The following HEXB variants were observed in gnomAD, a reference collection of about 807,000 sequenced individuals.
HEXB encodes the protein hexosaminidase subunit beta.
HEXB carries 51 observed loss-of-function variants against 71.2 expected under a neutral mutation model. That is an observed-to-expected ratio of 0.72 (90% CI 0.57 to 0.90). The LOEUF (loss-of-function observed/expected upper bound fraction) is 0.90, where lower values mean the gene tolerates loss of function less well. Among genes scored for constraint, HEXB ranks in the 40% least tolerant of loss-of-function variants. HEXB has a pLI of 0.00. For synonymous variants in HEXB, 266 were observed against 249.3 expected (o/e 1.07, Z -0.63); for missense variants, 617 against 677.0 (o/e 0.91, Z 0.98).
chr5:74,667,346 G>A (rs192242919), intron 1 of HEXB, among the ~76,000 whole-genome samples: 36 of 152,138 alleles, frequency 2.4e-4, no homozygotes, highest in Admixed American at 1.3e-3. Context: ...TTGAACCCGG[G>A]AGGCAGAGGT....
chr5:74,692,334 CAAAAA>C (rs916578254), intron 2 of HEXB, among the ~76,000 whole-genome samples: 1 of 52,428 alleles, frequency 1.9e-5, no homozygotes, highest in African/African-American at 5.8e-5. Context: ...CCTGTCTCTA[CAAAAA>C]AAAAAAAAAA....
chr5:74,662,155 G>A (rs1195472044), intron 1 of HEXB, among the ~76,000 whole-genome samples: 1 of 151,152 alleles, frequency 6.6e-6, no homozygotes, highest in Admixed American at 6.6e-5. Flanking sequence ...AAACCACCAT[G>A]ATTTTAAGCT....
intron 1 of HEXB, among the ~76,000 whole-genome samples, chr5:74,655,006 C>CA (rs1561202392): frequency 6.6e-6 from 1 of 152,060 alleles, no homozygotes; most frequent in African/African-American, 2.4e-5. Context: ...GACCTGCGGA[C>CA]GGATCTGGAT....
intron 5 of HEXB, among the ~76,000 whole-genome samples, chr5:74,703,712 C>A (rs1014221573): frequency 6.6e-6 from 1 of 152,194 alleles, no homozygotes; most frequent in African/African-American, 2.4e-5. Flanking sequence ...CACCCCCAGG[C>A]TGGAGTGCAG....
At chr5:74,653,406 G>T (rs1232477282) in intron 1 of HEXB, among the ~76,000 whole-genome samples, 1 of 152,180 alleles carries the variant, frequency 6.6e-6, no homozygotes, top group Non-Finnish European at 1.5e-5. Context: ...CCAAGATGAA[G>T]TAGCAGGGAA....
intron 1 of HEXB, among the ~76,000 whole-genome samples, chr5:74,645,466 T>G (rs1747986431): frequency 6.6e-6 from 1 of 152,242 alleles, no homozygotes. Context: ...GAAAATGTTG[T>G]GTGAAAGTCT....
At chr5:74,716,040 AAT>A (rs1554036674) in intron 8 of HEXB, among the ~76,000 whole-genome samples, 11,629 of 129,014 alleles carry the variant, frequency 0.09, 488 homozygotes, top group African/African-American at 0.15. Context: ...AAAAAAAAAA[AAT>A]GGAATAAAAA....
At chr5:74,697,727 C>A (rs1481752387) in intron 5 of HEXB, among the ~76,000 whole-genome samples, 529 of 110,316 alleles carry the variant, frequency 4.8e-3, no homozygotes, top group South Asian at 6.7e-3. Context: ...GACTCTGTCT[C>A]AAAAAAAAAA....
chr5:74,710,392 C>T (rs977784023), intron 6 of HEXB, among the ~76,000 whole-genome samples: 1 of 152,214 alleles, frequency 6.6e-6, no homozygotes, highest in Non-Finnish European at 1.5e-5. Flanking sequence ...CAGGGATGCC[C>T]CCTCTCACCA....
At chr5:74,672,050 A>G (rs1381043108) in intron 1 of HEXB, among the ~76,000 whole-genome samples, 3 of 152,198 alleles carry the variant, frequency 2.0e-5, no homozygotes, top group Non-Finnish European at 4.4e-5. Context: ...TTGTTCCTGC[A>G]AAGCTTGCAG....
upstream of HEXB, chr5:74,685,101 G>A (rs1748824070): frequency 1.3e-6 from 1 of 761,366 alleles, no homozygotes; most frequent in Non-Finnish European, 2.0e-6. Context: ...GGCTGGGCGA[G>A]GACGCTCCCG....
At chr5:74,707,801 A>G (rs947033684) in intron 6 of HEXB, among the ~76,000 whole-genome samples, 2 of 104,020 alleles carry the variant, frequency 1.9e-5, no homozygotes, top group South Asian at 7.5e-4. Context: ...AAAAGACCAA[A>G]TCTACATCTG....
chr5:74,644,267 A>G (rs1580355472), intron 1 of HEXB, among the ~76,000 whole-genome samples: 3 of 152,224 alleles, frequency 2.0e-5, no homozygotes, highest in Non-Finnish European at 2.9e-5. Context: ...CATTTAGGGC[A>G]AGAAGGCTTT....
chr5:74,664,073 T>A (rs547616227), intron 1 of HEXB, among the ~76,000 whole-genome samples: 66 of 151,972 alleles, frequency 4.3e-4, no homozygotes, highest in South Asian at 1.5e-3. Flanking sequence ...CTGACTAACA[T>A]GGTGAAACCC....
intron 1 of HEXB, among the ~76,000 whole-genome samples, chr5:74,677,490 CTTTTTTTTTTT>C (rs566302720): frequency 5.2e-5 from 4 of 77,276 alleles, no homozygotes; most frequent in African/African-American, 1.3e-4. Flanking sequence ...TCTTCTTCTT[CTTTTTTTTTTT>C]TTTTTTTTTT....
At chr5:74,668,230 T>G (rs1400976631) in intron 1 of HEXB, among the ~76,000 whole-genome samples, 2 of 148,580 alleles carry the variant, frequency 1.3e-5, no homozygotes, top group Admixed American at 6.7e-5. Context: ...TTTGTTTTGT[T>G]TGTGTGTGTG....
At chr5:74,661,557 G>GTCTC (rs1748325674) in intron 1 of HEXB, among the ~76,000 whole-genome samples, 1 of 77,730 alleles carries the variant, frequency 1.3e-5, no homozygotes, top group East Asian at 2.6e-4. Context: ...GTGTGTGTGT[G>GTCTC]TGTGTGTCTC....
At position 74,652,632 on chromosome 5, in the gene HEXB, A is replaced by G. The variant is rs1748140264; in HGVS notation, c.-377+12074A>G. Reference sequence around the variant, plus strand: ...GTTTGGTGGAAACTTCATTTGAGTCATGTAAGGGATTCCCTCCCTTACCCC... The same window carrying G: ...GTTTGGTGGAAACTTCATTTGAGTCGTGTAAGGGATTCCCTCCCTTACCCC... On this transcript the variant is annotated intron_variant, in intron 1 of 13. Transcript: ENST00000511181. This position sits in a 1 kb window ranked among gnomAD's most constrained non-coding sequence, Gnocchi z 5.4. 6.6e-6 allele frequency among the ~76,000 whole-genome samples: 1 copy of G among 152,186 alleles called. No homozygotes were observed. Among genetic ancestry groups the G allele is most frequent in the Non-Finnish European group, 1.5e-5 (1 of 68,032 alleles).
intron 9 of HEXB, among the ~76,000 whole-genome samples, chr5:74,717,082 C>T (rs892006452): frequency 2.0e-5 from 3 of 152,130 alleles, no homozygotes; most frequent in African/African-American, 4.8e-5. Flanking sequence ...CCCAGCTACT[C>T]GGGCGGCTGA....
Sources: allele counts gnomAD v4.1 joint callset (sites outside exome capture counted in the v4.1 genomes callset), GRCh38; gene constraint gnomAD v4.1.1; non-coding constraint Gnocchi (gnomAD v3.1); transcripts MANE v1.5; gene names NCBI Gene and HGNC (gene_info 2026-07-23, HGNC 2026-07-21).